Variants in PTPRM observed in about 807,000 individuals in gnomAD.
PTPRM encodes protein tyrosine phosphatase receptor type M, also known as receptor-type tyrosine-protein phosphatase mu.
PTPRM carries 47 observed loss-of-function variants against 186.7 expected under a neutral mutation model. The observed-to-expected ratio is 0.25, with a 90% confidence interval of 0.20 to 0.32. The LOEUF is 0.32. PTPRM is among the 10% of genes least tolerant of loss of function. The probability of loss-of-function intolerance (pLI) is 1.00; values close to 1 mark genes in which losing one functional copy is unlikely to be tolerated. For synonymous variants in PTPRM, 668 were observed against 674.9 expected, an observed-to-expected ratio of 0.99 and a Z score of 0.16; for missense variants, 1,494 against 1,865.0, an observed-to-expected ratio of 0.80 and a Z score of 3.66.
intron 11 of PTPRM, among the ~76,000 whole-genome samples, chr18:8,089,494 AT>A (rs1437638698): frequency 6.6e-6 from 1 of 152,146 alleles, no homozygotes; most frequent in Non-Finnish European, 1.5e-5. Flanking sequence ...AGAGCAAAGG[AT>A]GCCTGAATAG....
intron 19 of PTPRM, among the ~76,000 whole-genome samples, chr18:8,272,789 CT>C (rs1347513671): frequency 2.0e-5 from 3 of 151,970 alleles, no homozygotes; most frequent in Non-Finnish European, 4.4e-5. Context: ...TTAGATCAAG[CT>C]TTTGTTCACA....
intron 21 of PTPRM, 108 bp from the exon 22 acceptor site, chr18:8,319,070 C>T (rs2095328883): frequency 8.3e-6 from 6 of 722,634 alleles, no homozygotes; most frequent in Middle Eastern, 2.3e-4. Context: ...TCAGGTGATG[C>T]AGCTATTGGC....
chr18:7,898,306 C>T (rs1297666571), intron 3 of PTPRM, among the ~76,000 whole-genome samples: 1 of 152,176 alleles, frequency 6.6e-6, no homozygotes, highest in Non-Finnish European at 1.5e-5. Context: ...TTCTAGGGAA[C>T]TGACTAATGA....
chr18:8,342,912 TCTCTTA>T (rs911722461), intron 22 of PTPRM, among the ~76,000 whole-genome samples: 40 of 145,744 alleles, frequency 2.7e-4, no homozygotes, highest in Admixed American at 8.2e-4. Flanking sequence ...TTAACTTCTC[TCTCTTA>T]CTTTAGAAAG....
intron 14 of PTPRM, among the ~76,000 whole-genome samples, chr18:8,210,560 C>T (rs1477497605): frequency 6.6e-6 from 1 of 152,132 alleles, no homozygotes; most frequent in African/African-American, 2.4e-5. Flanking sequence ...ATAAATTTCT[C>T]TTGTTCTGAT....
chr18:7,843,435 G>A (rs1390245108), intron 2 of PTPRM, among the ~76,000 whole-genome samples: 1 of 152,150 alleles, frequency 6.6e-6, no homozygotes, highest in Non-Finnish European at 1.5e-5. Flanking sequence ...TGCCCTTATA[G>A]ATAGTTTATT....
chr18:8,044,110 G>A (rs1196029229), intron 7 of PTPRM, among the ~76,000 whole-genome samples: 16 of 152,246 alleles, frequency 1.1e-4, no homozygotes, highest in Admixed American at 8.5e-4. Flanking sequence ...ATGAAGCCTC[G>A]AGCTTTTAGA....
intron 9 of PTPRM, among the ~76,000 whole-genome samples, chr18:8,083,226 T>G (rs530034498): frequency 3.5e-4 from 53 of 152,294 alleles, no homozygotes; most frequent in African/African-American, 1.3e-3. Flanking sequence ...TCATTTTATT[T>G]TCATGCTTAA....
chr18:8,052,108 T>A (rs1406547679), intron 7 of PTPRM, among the ~76,000 whole-genome samples: 1 of 152,158 alleles, frequency 6.6e-6, no homozygotes. Flanking sequence ...GTATCTGCAT[T>A]CCTAGTAAGC....
intron 7 of PTPRM, among the ~76,000 whole-genome samples, chr18:7,994,387 A>G (rs1480328889): frequency 6.6e-6 from 1 of 152,110 alleles, no homozygotes; most frequent in Non-Finnish European, 1.5e-5. Context: ...GGGGACTTCA[A>G]CACCAAACTT....
intron 1 of PTPRM, among the ~76,000 whole-genome samples, chr18:7,742,501 G>A (rs542970782): frequency 6.6e-6 from 1 of 152,146 alleles, no homozygotes; most frequent in Non-Finnish European, 1.5e-5. Flanking sequence ...AGGAAATTGG[G>A]TGGATAAAAA....
At chr18:7,710,033 C>T (rs922344397) in intron 1 of PTPRM, among the ~76,000 whole-genome samples, 2 of 152,128 alleles carry the variant, frequency 1.3e-5, no homozygotes, top group Non-Finnish European at 2.9e-5. Flanking sequence ...GGAATCCTCC[C>T]TAAGTCATTC....
chr18:8,175,469 ATTT>A (rs1169527916), intron 14 of PTPRM, among the ~76,000 whole-genome samples: 4 of 152,162 alleles, frequency 2.6e-5, no homozygotes, highest in African/African-American at 9.7e-5. Context: ...CTTTGTTTTT[ATTT>A]TTGTTTTATA....
intron 7 of PTPRM, among the ~76,000 whole-genome samples, chr18:8,052,240 T>C (rs185647985): frequency 6.6e-6 from 1 of 152,306 alleles, no homozygotes; most frequent in Non-Finnish European, 1.5e-5. Flanking sequence ...ATGATACAAA[T>C]TCTGGGGCTT....
intron 20 of PTPRM, among the ~76,000 whole-genome samples, chr18:8,305,586 G>T (rs1445785837): frequency 2.0e-5 from 3 of 152,198 alleles, no homozygotes; most frequent in African/African-American, 7.2e-5. Context: ...GATTCATACA[G>T]GGATTCTGGC....
intron 13 of PTPRM, among the ~76,000 whole-genome samples, chr18:8,137,330 C>G (rs2092659968): frequency 6.6e-6 from 1 of 152,096 alleles, no homozygotes; most frequent in Non-Finnish European, 1.5e-5. Flanking sequence ...AGACATTGAA[C>G]CCAACACACA....
At position 8,290,376 on chromosome 18, in the gene PTPRM, A is replaced by G. The variant is rs180778438; in HGVS notation, c.2755-5992A>G. Among the ~76,000 whole-genome samples the G allele has an allele frequency of 4.6e-5, 7 of 152,220 alleles. No homozygotes were observed. In the East Asian group the frequency reaches 1.2e-3, roughly 25 times the overall value. ...TGACCTGCATCCCTTTCTTTCTGGCAGCTTTTCTGTTGAATAGGATTTTTT... is the reference window on the plus strand; with the variant it reads ...TGACCTGCATCCCTTTCTTTCTGGCGGCTTTTCTGTTGAATAGGATTTTTT... On this transcript the variant is annotated intron_variant, in intron 19 of 32. Transcript: ENST00000580170.
intron 1 of PTPRM, among the ~76,000 whole-genome samples, chr18:7,727,544 G>A (rs959473835): frequency 2.0e-5 from 3 of 152,126 alleles, no homozygotes; most frequent in African/African-American, 7.2e-5. Context: ...TTGAGAGACA[G>A]CCAAGTAACT....
chr18:7,978,925 C>T (rs1171188326), intron 7 of PTPRM, among the ~76,000 whole-genome samples: 1 of 152,044 alleles, frequency 6.6e-6, no homozygotes, highest in Non-Finnish European at 1.5e-5. Flanking sequence ...CTTTAAAAAA[C>T]AGTGCTTCAC....
Sources: gnomAD v4.1 joint callset for allele counts (sites outside exome capture counted in the v4.1 genomes callset) on GRCh38, gnomAD v4.1.1 for gene constraint, MANE v1.5 for transcripts, NCBI Gene and HGNC (gene_info 2026-07-23, HGNC 2026-07-21) for gene names.